SFI1: variants seen among roughly 807,000 people sequenced by gnomAD.
The protein encoded by SFI1 is protein SFI1 homolog.
SFI1 carries 195 observed loss-of-function variants against 207.5 expected under a neutral mutation model. The observed-to-expected ratio is 0.94, with a 90% CI of 0.84 to 1.06. The LOEUF (loss-of-function observed/expected upper bound fraction) is 1.06, where lower values mean the gene tolerates loss of function less well. SFI1 is among the 50% of genes least tolerant of loss of function. The pLI is 0.00. For synonymous variants in SFI1, 630 were observed against 598.9 expected (o/e 1.05, Z -0.76); for missense variants, 1,634 against 1,588.0 (o/e 1.03, Z -0.49).
rs1305455934 is a variant in SFI1 at position 31,580,364 on chromosome 22, G to A, written c.1248G>A (p.Thr416=). 8.1e-6 allele frequency: 13 copies of A among 1,612,802 alleles called. No individual in the cohort carries two copies. Among genetic ancestry groups the A allele is most frequent in the African/African-American group, 5.3e-5 (4 of 74,854 alleles). The change falls in exon 12 of 33, where the codon ACG becomes ACA. Residue 416 remains threonine (T), a splice_region_variant and synonymous_variant. Coordinates refer to ENST00000400288, the MANE Select transcript of SFI1 (RefSeq NM_001007467.3). ...TTGCTCACCAGCAGCATGGTGTCAC[G>A]GTGAGGGTTGTCTTCTGTATCAAGG... The part of the protein sequence containing the change: ...RNLAHQQHGV[T]LLHRFWNLWR...
chr22:31,505,539 T>A (rs577157903), intron 1 of SFI1, among the ~76,000 whole-genome samples: 31 of 152,120 alleles, frequency 2.0e-4, no homozygotes, highest in African/African-American at 6.7e-4. Context: ...GAGAATTGCT[T>A]GAGGCCAGGA....
At chr22:31,533,446 T>C (rs4820981) in intron 4 of SFI1, among the ~76,000 whole-genome samples, 103,294 of 151,972 alleles carry the variant, frequency 0.68, 35,675 homozygotes, top group Non-Finnish European at 0.75. Flanking sequence ...AGGAGAATTG[T>C]TTGAACCCGG....
Position 31,561,345 on chromosome 22 carries a change from C to T in SFI1, c.718C>T (p.Leu240Phe). The T allele has an allele frequency of 1.2e-6, 2 of 1,614,150 alleles. No individual in the cohort carries two copies. Among genetic ancestry groups the T allele is most frequent in the Non-Finnish European group, 1.7e-6 (2 of 1,180,028 alleles). Residue 240 changes from leucine (L) to phenylalanine (F), a missense_variant, in exon 8 of 33, where the codon CTC becomes TTC. Transcript: ENST00000400288. ...AGGACAGGTCCGTGTGAGCCGTGCC[C>T]TCCATGCCTCTGCTTTGAAGCACAG... ...RLGQVRVSRA[L>F]HASALKHRAL...
chr22:31,511,020 A>G (rs890004738), intron 2 of SFI1, among the ~76,000 whole-genome samples: 1 of 151,988 alleles, frequency 6.6e-6, no homozygotes, highest in Middle Eastern at 3.2e-3. Context: ...GGGTTCCTGT[A>G]GCTTGCAACT....
chr22:31,532,572 A>T (rs189499663), intron 4 of SFI1, among the ~76,000 whole-genome samples: 1 of 151,786 alleles, frequency 6.6e-6, no homozygotes, highest in African/African-American at 2.4e-5. Context: ...TTCCTGTTTC[A>T]TTTTTTGACA....
chr22:31,580,506 A>C, intron 12 of SFI1, 142 bp downstream of exon 12: 1 of 593,550 alleles, frequency 1.7e-6, no homozygotes. Flanking sequence ...TCAACTGTAA[A>C]ACCTTAGTTT....
chr22:31,496,375 C>G (rs2052650897), upstream of SFI1: 1 of 152,340 alleles, frequency 6.6e-6, no homozygotes, highest in Non-Finnish European at 1.5e-5. Context: ...GAAACCGATT[C>G]TCATTGCTGC....
chr22:31,513,627 G>A (rs944962943), intron 2 of SFI1, among the ~76,000 whole-genome samples: 4 of 150,040 alleles, frequency 2.7e-5, no homozygotes, highest in African/African-American at 9.9e-5. Context: ...GCCCAGGCTG[G>A]AGTGCAGTGG....
chr22:31,550,301 G>C lies in SFI1; in HGVS notation c.497G>C (p.Arg166Pro), dbSNP rs201319945. ...TTCCAGACGTGGAAGACCTATGTGC[G>C]TCAGCAGCAGGAGATGAGGAACAAG... is the stretch of plus-strand genomic sequence containing the variant. ...LMFQTWKTYV[R>P]QQQEMRNKYI... is the part of the protein sequence containing the mutation. The change falls in exon 6 of 33, where the codon CGT (arginine) becomes CCT (proline). Residue 166 changes from arginine (R) to proline (P), a missense_variant. Arg to Pro is a moderately radical substitution (Grantham distance 103). Coordinates refer to ENST00000400288, the MANE Select transcript of SFI1 (RefSeq NM_001007467.3). The C allele has an allele frequency of 1.1e-5, 18 of 1,613,994 alleles. No individual in the cohort carries two copies. Among genetic ancestry groups the C allele is most frequent in the Non-Finnish European group, 1.5e-5 (18 of 1,180,008 alleles).
At chr22:31,503,230 G>A (rs1372741181) in intron 1 of SFI1, among the ~76,000 whole-genome samples, 1 of 152,022 alleles carries the variant, frequency 6.6e-6, no homozygotes, top group African/African-American at 2.4e-5. Context: ...AGTTTTTATT[G>A]TTTTCTGAGA....
chr22:31,572,552 A>G (rs1277579652), intron 8 of SFI1, among the ~76,000 whole-genome samples: 1 of 151,986 alleles, frequency 6.6e-6, no homozygotes, highest in African/African-American at 2.4e-5. Flanking sequence ...CCCAGGCTGG[A>G]GTGCAGTGGT....
intron 5 of SFI1, among the ~76,000 whole-genome samples, chr22:31,547,395 C>G (rs935532404): frequency 2.6e-5 from 4 of 152,316 alleles, no homozygotes; most frequent in Admixed American, 6.5e-5. Flanking sequence ...ACTGCAACTT[C>G]CGTCTCCTAG....
intron 8 of SFI1, among the ~76,000 whole-genome samples, chr22:31,568,793 A>C (rs1178939154): frequency 6.6e-6 from 1 of 152,054 alleles, no homozygotes; most frequent in Admixed American, 6.6e-5. Flanking sequence ...AAGATAGAAA[A>C]GTTTGAGCAT....
intron 1 of SFI1, 35 bp from the exon 2 acceptor site, chr22:31,508,220 C>A (rs775420496): frequency 6.2e-6 from 8 of 1,281,704 alleles, no homozygotes; most frequent in Non-Finnish European, 9.1e-6. Context: ...GGCTGCAAAT[C>A]ATTTTCTCTC....
intron 2 of SFI1, among the ~76,000 whole-genome samples, chr22:31,515,767 T>A (rs1005990439): frequency 1.3e-5 from 2 of 149,206 alleles, no homozygotes; most frequent in African/African-American, 4.9e-5. Flanking sequence ...AGATGGCGTC[T>A]CCCTCTGTTG....
intron 15 of SFI1, among the ~76,000 whole-genome samples, chr22:31,601,900 C>A (rs2068157649): frequency 6.6e-6 from 1 of 151,918 alleles, no homozygotes; most frequent in South Asian, 2.1e-4. Context: ...TCAGGCGATC[C>A]CCCCACCTCA....
Position 31,618,163 on chromosome 22 carries a change from CAG to C in SFI1, c.3566_3567del (p.Glu1189GlyfsTer5), listed in dbSNP as rs745566257. 3.1e-6 allele frequency: 5 copies of C among 1,592,890 alleles called. No homozygotes were observed. The highest frequency in any genetic ancestry group is 2.7e-5 in the African/African-American group (2 of 74,808). ...GCCTGCGCAGGTGGCTGGAGCTGAA[CAG>C]AGAGGAGCCGGGGCCTGAGGACCAG... ...SSLRRWLELN[R>X]EEPGPEDQEV... is the part of the protein sequence containing the mutation. On this transcript the variant is annotated frameshift_variant, in exon 32 of 33. Transcript: ENST00000400288. LOFTEE classifies it high-confidence loss of function.
At chr22:31,521,824 C>T (rs1489432971) in intron 2 of SFI1, among the ~76,000 whole-genome samples, 1 of 151,536 alleles carries the variant, frequency 6.6e-6, no homozygotes, top group Admixed American at 6.6e-5. Context: ...AGGGCAGTGG[C>T]GTGATCTTGG....
intron 12 of SFI1, among the ~76,000 whole-genome samples, 158 bp from the exon 13 acceptor site, chr22:31,583,717 A>G (rs1022798456): frequency 2.0e-5 from 3 of 152,176 alleles, no homozygotes; most frequent in African/African-American, 4.8e-5. Context: ...GAATAGCTCT[A>G]TAGTTGAGCC....
Sources: allele counts gnomAD v4.1 joint callset (sites outside exome capture counted in the v4.1 genomes callset), GRCh38; gene constraint gnomAD v4.1.1; transcripts MANE v1.5; gene names NCBI Gene and HGNC (gene_info 2026-07-23, HGNC 2026-07-21).